Variants in MACROD2 observed in about 807,000 individuals in gnomAD.
MACROD2 encodes mono-ADP ribosylhydrolase 2.
In MACROD2, 36 loss-of-function variants were observed where a neutral mutation model predicts 70.4. The ratio of observed to expected loss-of-function variants is 0.51; its 90% confidence interval spans 0.39 to 0.68. The LOEUF (loss-of-function observed/expected upper bound fraction) is 0.68, where lower values mean the gene tolerates loss of function less well. MACROD2 is among the 30% of genes least tolerant of loss of function. The pLI is 0.00. For missense variants in MACROD2, 496 were observed against 538.4 expected (o/e 0.92, Z 0.78); for synonymous variants, 172 against 178.8 (o/e 0.96, Z 0.30).
intron 5 of MACROD2, among the ~76,000 whole-genome samples, chr20:15,010,672 C>A (rs959125457): frequency 2.2e-4 from 33 of 152,290 alleles, no homozygotes; most frequent in African/African-American, 7.9e-4. Flanking sequence ...AGTTCACATA[C>A]CCACCGTTTT....
At chr20:14,630,079 A>G (rs1752553827) in intron 4 of MACROD2, among the ~76,000 whole-genome samples, 1 of 152,146 alleles carries the variant, frequency 6.6e-6, no homozygotes, top group Non-Finnish European at 1.5e-5. Flanking sequence ...AAGGAAAGCT[A>G]AGTAACTTGT....
At chr20:14,380,533 T>G (rs1203829002) in intron 3 of MACROD2, among the ~76,000 whole-genome samples, 3 of 152,170 alleles carry the variant, frequency 2.0e-5, no homozygotes, top group Non-Finnish European at 4.4e-5. Flanking sequence ...CTAAGAGTTT[T>G]GTAGTTTAAG....
intron 15 of MACROD2, among the ~76,000 whole-genome samples, chr20:16,025,228 TG>T (rs891203655): frequency 1.4e-4 from 22 of 152,214 alleles, no homozygotes; most frequent in African/African-American, 5.3e-4. Flanking sequence ...GCCCATTATT[TG>T]GTGCTCGCAG....
At chr20:14,914,309 A>C (rs1248855193) in intron 5 of MACROD2, among the ~76,000 whole-genome samples, 1 of 152,188 alleles carries the variant, frequency 6.6e-6, no homozygotes, top group Non-Finnish European at 1.5e-5. Context: ...AGCTGCTCAC[A>C]GTCTATGTCA....
chr20:15,777,285 C>T (rs1428041505), intron 8 of MACROD2, among the ~76,000 whole-genome samples: 2 of 152,068 alleles, frequency 1.3e-5, no homozygotes, highest in Admixed American at 1.3e-4. Context: ...TCAACCAGGG[C>T]AGCAGCTACT....
chr20:14,293,936 T>C (rs1219149272), intron 3 of MACROD2, among the ~76,000 whole-genome samples: 2 of 151,864 alleles, frequency 1.3e-5, no homozygotes, highest in African/African-American at 2.4e-5. Flanking sequence ...AGCATTGCAT[T>C]ATTTCAAAAA....
At chr20:15,924,944 GAAAATTTAAACTT>G (rs2065467091) in intron 10 of MACROD2, among the ~76,000 whole-genome samples, 2 of 151,936 alleles carry the variant, frequency 1.3e-5, no homozygotes, top group African/African-American at 4.8e-5. Flanking sequence ...ATTTTTAGAA[GAAAATTTAAACTT>G]AGGGCTTAAT....
intron 3 of MACROD2, among the ~76,000 whole-genome samples, chr20:14,380,869 C>G (rs897007173): frequency 4.6e-5 from 7 of 152,118 alleles, no homozygotes; most frequent in Non-Finnish European, 7.4e-5. Context: ...TTTTTCAAAA[C>G]TGTTTTTCCT....
intron 6 of MACROD2, among the ~76,000 whole-genome samples, chr20:15,320,620 G>A (rs1398549269): frequency 2.6e-5 from 4 of 152,092 alleles, no homozygotes; most frequent in African/African-American, 9.7e-5. Context: ...AGATAAACAG[G>A]TGCATTAATG....
chr20:15,577,829 T>G (rs1600620041), intron 8 of MACROD2, among the ~76,000 whole-genome samples: 1 of 152,226 alleles, frequency 6.6e-6, no homozygotes, highest in East Asian at 1.9e-4. Flanking sequence ...ATAGGATGGA[T>G]TACTATTATT....
intron 6 of MACROD2, among the ~76,000 whole-genome samples, chr20:15,424,728 G>T (rs2046275261): frequency 6.6e-6 from 1 of 151,980 alleles, no homozygotes; most frequent in African/African-American, 2.4e-5. Context: ...TCTGAGAAAA[G>T]AAAAAGAAGG....
intron 5 of MACROD2, among the ~76,000 whole-genome samples, chr20:14,990,462 C>T (rs2093868): frequency 0.078 from 11,702 of 150,124 alleles, 937 homozygotes; most frequent in African/African-American, 0.2. Context: ...GCCCTTGTTT[C>T]TTCCAAGGAC....
intron 5 of MACROD2, among the ~76,000 whole-genome samples, chr20:15,160,580 G>A (rs557743494): frequency 7.9e-5 from 12 of 151,914 alleles, no homozygotes; most frequent in Non-Finnish European, 1.5e-4. Context: ...TCTATGGCAG[G>A]CATAAACAGG....
At chr20:15,753,371 G>A (rs2051301412) in intron 8 of MACROD2, among the ~76,000 whole-genome samples, 1 of 152,132 alleles carries the variant, frequency 6.6e-6, no homozygotes, top group South Asian at 2.1e-4. Context: ...TGGAGTATTA[G>A]GTTTTCTATT....
At chr20:15,115,133 T>C (rs2075982884) in intron 5 of MACROD2, among the ~76,000 whole-genome samples, 1 of 152,216 alleles carries the variant, frequency 6.6e-6, no homozygotes, top group Admixed American at 6.5e-5. Flanking sequence ...TCTATTCTAT[T>C]TGTTGCAGTC....
chr20:14,191,607 C>T (rs573529484), intron 3 of MACROD2, among the ~76,000 whole-genome samples: 3 of 152,182 alleles, frequency 2.0e-5, no homozygotes, highest in Admixed American at 2.0e-4. Flanking sequence ...GTAGAGAATG[C>T]AGAAAGTGGA....
chr20:14,365,388 A>G (rs1056917942), intron 3 of MACROD2, among the ~76,000 whole-genome samples: 19 of 151,184 alleles, frequency 1.3e-4, no homozygotes, highest in African/African-American at 4.6e-4. Flanking sequence ...ATTGTTATAA[A>G]TAATTATATA....
intron 2 of MACROD2, among the ~76,000 whole-genome samples, chr20:14,037,356 C>T (rs2053326425): frequency 6.6e-6 from 1 of 152,128 alleles, no homozygotes; most frequent in African/African-American, 2.4e-5. Context: ...AATATTTTTA[C>T]AGTGTCCTAT....
intron 15 of MACROD2, among the ~76,000 whole-genome samples, chr20:16,011,631 C>G (rs760227075): frequency 1.8e-5 from 2 of 109,338 alleles, no homozygotes; most frequent in Admixed American, 9.0e-5. Flanking sequence ...AGCGCAAGCC[C>G]GAGTAAAGGA....
Sources: allele counts gnomAD v4.1 joint callset (sites outside exome capture counted in the v4.1 genomes callset), GRCh38; gene constraint gnomAD v4.1.1; transcripts MANE v1.5; gene names NCBI Gene and HGNC (gene_info 2026-07-23, HGNC 2026-07-21).